The following BACH2 variants were observed in gnomAD, a reference collection of about 807,000 sequenced individuals.
The protein encoded by BACH2 is transcription regulator protein BACH2.
Under a neutral mutation model 61.8 loss-of-function variants are expected in BACH2, and 5 were observed. The ratio of observed to expected loss-of-function variants is 0.08; its 90% confidence interval spans 0.04 to 0.17. The LOEUF is 0.17. BACH2 is among the 10% of genes least tolerant of loss of function. The pLI, the probability that BACH2 is intolerant of heterozygous loss-of-function variation, is 1.00. For missense variants in BACH2, 824 were observed against 1,091.1 expected (o/e 0.76, Z 3.45); for synonymous variants, 446 against 440.1 (o/e 1.01, Z -0.17).
chr6:90,263,469 C>A (rs1430627483), intron 2 of BACH2, among the ~76,000 whole-genome samples: 1 of 152,184 alleles, frequency 6.6e-6, no homozygotes, highest in Non-Finnish European at 1.5e-5. Flanking sequence ...GGGAAACAGT[C>A]CAAATAAACC....
At chr6:90,243,538 T>A (rs557444242) in intron 3 of BACH2, among the ~76,000 whole-genome samples, 1 of 152,340 alleles carries the variant, frequency 6.6e-6, no homozygotes, top group East Asian at 1.9e-4. Context: ...GAAGGAAACA[T>A]CAGTTTTCCA....
At chr6:90,003,345 C>T (rs796406886) in intron 6 of BACH2, among the ~76,000 whole-genome samples, 26 of 152,180 alleles carry the variant, frequency 1.7e-4, no homozygotes, top group African/African-American at 6.3e-4. Context: ...TCAGCACAGC[C>T]AGCTCCCTCA....
At chr6:90,130,526 G>A (rs1784043351) in intron 4 of BACH2, among the ~76,000 whole-genome samples, 1 of 152,230 alleles carries the variant, frequency 6.6e-6, no homozygotes, top group South Asian at 2.1e-4. Flanking sequence ...TTACCAAGGT[G>A]GAAATTGAGG....
At chr6:90,055,677 T>G (rs944337956) in intron 5 of BACH2, among the ~76,000 whole-genome samples, 7 of 149,934 alleles carry the variant, frequency 4.7e-5, no homozygotes, top group Non-Finnish European at 7.4e-5. Context: ...ATTGTCAAGA[T>G]TCACCAAAGT....
At chr6:90,067,230 C>T (rs72924002) in intron 5 of BACH2, among the ~76,000 whole-genome samples, 2,095 of 152,228 alleles carry the variant, frequency 0.014, 17 homozygotes, top group Non-Finnish European at 0.021. Flanking sequence ...GAAAAGAAAA[C>T]GTTCTGTGGA....
intron 1 of BACH2, among the ~76,000 whole-genome samples, chr6:90,286,798 G>A (rs948095794): frequency 6.6e-6 from 1 of 151,834 alleles, no homozygotes; most frequent in Non-Finnish European, 1.5e-5. Context: ...TATACTTACC[G>A]GTTTTAAGTA....
intron 3 of BACH2, among the ~76,000 whole-genome samples, chr6:90,226,479 T>C (rs1176378970): frequency 6.6e-6 from 1 of 152,218 alleles, no homozygotes; most frequent in Non-Finnish European, 1.5e-5. Flanking sequence ...GCTGCCAGTA[T>C]GACTCACTGA....
intron 3 of BACH2, among the ~76,000 whole-genome samples, chr6:90,207,527 G>A (rs765554258): frequency 2.5e-4 from 38 of 152,220 alleles, no homozygotes; most frequent in Middle Eastern, 3.4e-3. Context: ...GGAACTGAGA[G>A]GAGAGCAAAA....
At chr6:90,045,212 C>T (rs909289811) in intron 5 of BACH2, among the ~76,000 whole-genome samples, 3 of 152,248 alleles carry the variant, frequency 2.0e-5, no homozygotes, top group Admixed American at 2.0e-4. Context: ...CCCTTACATG[C>T]GCAGAAAAGC....
intron 5 of BACH2, among the ~76,000 whole-genome samples, chr6:90,023,417 T>C (rs543193406): frequency 1.3e-4 from 20 of 152,262 alleles, no homozygotes; most frequent in African/African-American, 4.8e-4. Flanking sequence ...CTCCTCCTGC[T>C]CTGGCCACAT....
intron 1 of BACH2, among the ~76,000 whole-genome samples, chr6:90,283,221 T>A (rs543446422): frequency 1.6e-4 from 24 of 152,328 alleles, no homozygotes; most frequent in Non-Finnish European, 3.2e-4. Context: ...CTGGCTTTTT[T>A]ATTGATTCAC....
At chr6:89,988,043 C>A (rs1776339765) in intron 6 of BACH2, among the ~76,000 whole-genome samples, 1 of 152,088 alleles carries the variant, frequency 6.6e-6, no homozygotes, top group Admixed American at 6.5e-5. Flanking sequence ...GGAATGCTGG[C>A]CTAGTCCAAC....
At chr6:90,105,814 G>A (rs752986906) in intron 4 of BACH2, among the ~76,000 whole-genome samples, 2 of 152,138 alleles carry the variant, frequency 1.3e-5, no homozygotes, top group Non-Finnish European at 2.9e-5. Flanking sequence ...ACCAAAATCT[G>A]CTTTAAAAGA....
At chr6:90,208,356 C>CA (rs779348078) in intron 3 of BACH2, among the ~76,000 whole-genome samples, 13 of 151,884 alleles carry the variant, frequency 8.6e-5, no homozygotes, top group Admixed American at 4.6e-4. Context: ...AACAAATTTA[C>CA]AAGAAAAAAA....
At chr6:89,936,514 A>G (rs936517233) in intron 8 of BACH2, among the ~76,000 whole-genome samples, 1 of 152,234 alleles carries the variant, frequency 6.6e-6, no homozygotes, top group African/African-American at 2.4e-5. Flanking sequence ...GAAGTGGCAT[A>G]GGCACAAGTG....
chr6:90,279,340 T>C (rs750040351), intron 1 of BACH2, among the ~76,000 whole-genome samples: 32 of 151,906 alleles, frequency 2.1e-4, no homozygotes, highest in African/African-American at 4.1e-4. Context: ...CTGGCCAACA[T>C]AGGGAAACCC....
At chr6:90,139,405 G>C (rs1478022475) in intron 4 of BACH2, among the ~76,000 whole-genome samples, 2 of 152,198 alleles carry the variant, frequency 1.3e-5, no homozygotes, top group Non-Finnish European at 2.9e-5. Flanking sequence ...GGTGGGGAAA[G>C]GTCCCCTGCA....
chr6:90,136,072 T>C (rs949121997), intron 4 of BACH2, among the ~76,000 whole-genome samples: 1 of 152,206 alleles, frequency 6.6e-6, no homozygotes, highest in Non-Finnish European at 1.5e-5. Context: ...CAAGGCCAGT[T>C]ACCCTTCCTC....
At chr6:89,975,420 A>G (rs1015292549) in intron 6 of BACH2, among the ~76,000 whole-genome samples, 1 of 152,118 alleles carries the variant, frequency 6.6e-6, no homozygotes, top group Non-Finnish European at 1.5e-5. Flanking sequence ...TCTCTCTTCT[A>G]TTCAAACACT....
Sources: gnomAD v4.1 joint callset for allele counts (sites outside exome capture counted in the v4.1 genomes callset) on GRCh38, gnomAD v4.1.1 for gene constraint, MANE v1.5 for transcripts, NCBI Gene and HGNC (gene_info 2026-07-23, HGNC 2026-07-21) for gene names.